Variants in MYBPC3 observed in about 807,000 individuals in gnomAD.
MYBPC3 encodes the protein myosin-binding protein C, cardiac-type.
A neutral mutation model predicts 159.3 loss-of-function variants in MYBPC3; 108 were observed. The observed-to-expected ratio is 0.68, with a 90% CI of 0.58 to 0.80. The LOEUF is 0.80. Among genes scored for constraint, MYBPC3 ranks in the 30% least tolerant of loss-of-function variants. The probability of loss-of-function intolerance (pLI) is 0.00; values close to 1 mark genes in which losing one functional copy is unlikely to be tolerated. For synonymous variants in MYBPC3, 730 were observed against 702.0 expected (o/e 1.04, Z -0.63); for missense variants, 1,631 against 1,762.1 (o/e 0.93, Z 1.33).
chr11:47,335,290 GAA>G (rs2095881198), intron 26 of MYBPC3, 81 bp from the exon 27 acceptor site: 7 of 1,095,480 alleles, frequency 6.4e-6, no homozygotes, highest in Non-Finnish European at 7.5e-6. Flanking sequence ...CCTCTGATAG[GAA>G]TCTCCAGGAT....
At chr11:47,347,183 A>G in intron 9 of MYBPC3, 154 bp from the exon 10 acceptor site, 4 of 983,990 alleles carry the variant, frequency 4.1e-6, no homozygotes, top group Non-Finnish European at 4.8e-6. Flanking sequence ...TTACGGAGGG[A>G]GCTTTTGCAG....
chr11:47,348,837 G>A (rs956681993), intron 5 of MYBPC3, among the ~76,000 whole-genome samples: 23 of 143,824 alleles, frequency 1.6e-4, no homozygotes, highest in Non-Finnish European at 2.7e-4. Context: ...CCCAGGAGGT[G>A]GAGGTTGCAG....
intron 17 of MYBPC3, among the ~76,000 whole-genome samples, 187 bp from the exon 18 acceptor site, chr11:47,342,343 A>T (rs1261772454): frequency 6.6e-6 from 1 of 152,224 alleles, no homozygotes; most frequent in African/African-American, 2.4e-5. Context: ...AGGAACCTCA[A>T]GTGTCTGAGG....
Position 47,332,543 on chromosome 11 carries a change from G to C in MYBPC3, c.3627+23C>G, listed in dbSNP as rs770351648. On this transcript the variant is annotated intron_variant, in intron 32 of 34. Coordinates refer to ENST00000545968, the MANE Select transcript of MYBPC3 (RefSeq NM_000256.3). The surrounding 1 kb of genome is among the most constrained non-coding windows in gnomAD (Gnocchi z 4.2). Reference sequence around the variant, plus strand: ...TGAGCCCTGCCTCCTGGTCGGCCTGGACCAGCGCCTAAAGTTCCCTACCTT... The same window carrying C: ...TGAGCCCTGCCTCCTGGTCGGCCTGCACCAGCGCCTAAAGTTCCCTACCTT... The C allele has an allele frequency of 6.3e-7, 1 of 1,598,910 alleles. No homozygotes were observed. The highest frequency in any genetic ancestry group is 1.3e-5 in the African/African-American group (1 of 74,606).
chr11:47,342,292 C>CT (rs1171122573), intron 17 of MYBPC3, 136 bp from the exon 18 acceptor site: 1 of 1,171,160 alleles, frequency 8.5e-7, no homozygotes, highest in Non-Finnish European at 1.2e-6. Context: ...ACACGTGTGC[C>CT]TGTGTGTGCC....
In MYBPC3 at chr11:47,346,836, C is replaced by T. The variant is rs1472685273; in HGVS notation, c.908+191G>A. Among the ~76,000 whole-genome samples, 1 of 152,142 alleles carries T rather than the reference C, an allele frequency of 6.6e-6. No individual in the cohort carries two copies. Among genetic ancestry groups the T allele is most frequent in the Non-Finnish European group, 1.5e-5 (1 of 68,016 alleles). ...GGACCTCCTGTGTGCATTACTTTTT[C>T]TTATCCCTCCTAAGCTCTGACAGAT... is the stretch of plus-strand genomic sequence containing the variant. On this transcript the variant is annotated intron_variant, in intron 10 of 34. Coordinates refer to ENST00000545968, the MANE Select transcript of MYBPC3 (RefSeq NM_000256.3). This position sits in a 1 kb window ranked among gnomAD's most constrained non-coding sequence, Gnocchi z 5.3.
At position 47,341,196 on chromosome 11, in the gene MYBPC3, G is replaced by GT. The variant is rs730880649; in HGVS notation, c.1838dup (p.Asp613GlufsTer25). On this transcript the variant is annotated frameshift_variant, in exon 19 of 35. Transcript: ENST00000545968. LOFTEE classifies it high-confidence loss of function. ...CGAAGCCCTCGGGCACAAAGCTGTAGTCAGCCTCGTCGGCAGGTGTGACGT... is the reference window on the plus strand; with the variant it reads ...CGAAGCCCTCGGGCACAAAGCTGTAGTTCAGCCTCGTCGGCAGGTGTGACGT... The GT allele has an allele frequency of 6.3e-7, 1 of 1,596,358 alleles. No individual in the cohort carries two copies. Among genetic ancestry groups the GT allele is most frequent in the Middle Eastern group, 1.7e-4 (1 of 6,034 alleles).
rs748601708 is a variant in MYBPC3 at position 47,333,714 on chromosome 11, C to T, written c.3033G>A (p.Gly1011=). 1.9e-6 allele frequency: 3 copies of T among 1,608,500 alleles called. No individual in the cohort carries two copies. The highest frequency in any genetic ancestry group is 1.1e-5 in the South Asian group (1 of 90,754). ...PRPQVTWTKE[G]QPLAGEEVSI... ...TCACCTCCTCGCCTGCCAGGGGCTG[C>T]CCCTCTTTGGTCCAGGTCACCTGAG... The change falls in exon 29 of 35, where the codon GGG becomes GGA. Residue 1011 remains glycine (G), a synonymous_variant. Transcript: ENST00000545968.
chr11:47,337,350 G>C, intron 25 of MYBPC3, 41 bp downstream of exon 25: 1 of 1,527,474 alleles, frequency 6.5e-7, no homozygotes, highest in Non-Finnish European at 8.8e-7. Flanking sequence ...GTTTTTAACT[G>C]GGGAGGGGGC....
intron 26 of MYBPC3, chr11:47,335,432 A>C (rs1363416862): frequency 8.0e-6 from 3 of 376,434 alleles, no homozygotes; most frequent in Non-Finnish European, 9.4e-6. Context: ...AGTTCAAGTG[A>C]TTCTCCTGCC....
At chr11:47,335,562 G>A (rs902924447) in intron 26 of MYBPC3, 2 of 293,300 alleles carry the variant, frequency 6.8e-6, no homozygotes, top group Non-Finnish European at 1.3e-5. Context: ...CCCGACCTCA[G>A]GTGATCCGCC....
intron 16 of MYBPC3, 39 bp from the exon 17 acceptor site, chr11:47,342,783 C>T (rs775521529): frequency 6.2e-7 from 1 of 1,612,754 alleles, no homozygotes; most frequent in South Asian, 1.1e-5. Flanking sequence ...GTGGCCTCTT[C>T]TGGGCAGATG....
Position 47,346,438 on chromosome 11 carries a change from C to T in MYBPC3, c.927-68G>A. 1 of 1,483,880 alleles carries T rather than the reference C, an allele frequency of 6.7e-7. No individual in the cohort carries two copies. Among genetic ancestry groups the T allele is most frequent in the South Asian group, 1.4e-5 (1 of 73,424 alleles). 91.9% of individuals were successfully genotyped at this position (1,483,880 alleles called of 1,614,324 possible). On this transcript the variant is annotated intron_variant, in intron 11 of 34. Transcript: ENST00000545968. The surrounding 1 kb of genome is among the most constrained non-coding windows in gnomAD (Gnocchi z 5.3). ...GCCCCCTGGGCGGGGCTTCCTGGGC[C>T]CAGGACCAAGGAGCTGTAGCCACCC...
In MYBPC3 at chr11:47,332,098, C is replaced by G. The variant is rs781180230; in HGVS notation, c.3788G>C (p.Arg1263Pro). Residue 1263 changes from arginine (R) to proline (P), a missense_variant, in exon 33 of 35, where the codon CGG becomes CCG. Coordinates refer to ENST00000545968, the MANE Select transcript of MYBPC3 (RefSeq NM_000256.3). The surrounding 1 kb of genome is among the most constrained non-coding windows in gnomAD (Gnocchi z 4.2). Reference sequence around the variant, plus strand: ...TCGCACCTCCAGGCGGCACTCACACCGTGCCTCGCCCTGTAAGTTGGTGGC... The same window carrying G: ...TCGCACCTCCAGGCGGCACTCACACGGTGCCTCGCCCTGTAAGTTGGTGGC... ...CRATNLQGEARCECRLEVRVP... is the reference protein window; with the variant it reads ...CRATNLQGEAPCECRLEVRVP... 6.2e-7 allele frequency: 1 copy of G among 1,611,994 alleles called. No individual in the cohort carries two copies. The highest frequency in any genetic ancestry group is 1.3e-5 in the African/African-American group (1 of 74,902).
rs1181843706 is a variant in MYBPC3 at position 47,347,840 on chromosome 11, T to C, written c.821+17A>G. ...TCCAGCACTGGCCTCCCCCAGGCCC[T>C]GAGGATGGCCACTCACGTGCGGCGG... On this transcript the variant is annotated intron_variant, in intron 7 of 34. Transcript: ENST00000545968. 1.3e-6 allele frequency: 2 copies of C among 1,560,344 alleles called. No homozygotes were observed. Among genetic ancestry groups the C allele is most frequent in the East Asian group, 2.4e-5 (1 of 41,634 alleles).
intron 1 of MYBPC3, 67 bp downstream of exon 1, chr11:47,352,556 C>T: frequency 1.9e-6 from 3 of 1,591,548 alleles, no homozygotes; most frequent in Admixed American, 1.7e-5. Context: ...TCCCTCCTAG[C>T]CCTGCTCCCC....
chr11:47,344,681 C>T (rs1002041253), intron 12 of MYBPC3, among the ~76,000 whole-genome samples: 5 of 152,202 alleles, frequency 3.3e-5, no homozygotes, highest in Admixed American at 1.3e-4. Context: ...ACCCTCTGTG[C>T]CTCGGTTTCC....
chr11:47,341,705 C>T (rs943499254), intron 18 of MYBPC3, among the ~76,000 whole-genome samples: 1 of 152,232 alleles, frequency 6.6e-6, no homozygotes, highest in African/African-American at 2.4e-5. Context: ...CTCTTTGTCT[C>T]TGTCCCTCTG....
rs1565622471 is a variant in MYBPC3, at chr11:47,332,255, T to C, written c.3631A>G (p.Lys1211Glu). The change falls in exon 33 of 35, where the codon AAG (lysine) becomes GAG (glutamate). Residue 1211 changes from lysine to glutamate, a missense_variant. Physicochemically the swap from Lys to Glu is moderately conservative, Grantham distance 56 (BLOSUM62 1). Transcript: ENST00000545968. The surrounding 1 kb of genome is among the most constrained non-coding windows in gnomAD (Gnocchi z 4.2). ...CCAVRGSPKP[K>E]ISWFKNGLDL... ...AGGCCATTCTTGAACCAGGAAATCT[T>C]GGGCTATAAATAAGGTAAAGAGAGG... The C allele has an allele frequency of 1.2e-5, 20 of 1,613,740 alleles. No homozygotes were observed. The highest frequency in any genetic ancestry group is 1.7e-5 in the Non-Finnish European group (20 of 1,179,884).
Sources: gnomAD v4.1 joint callset for allele counts (sites outside exome capture counted in the v4.1 genomes callset) on GRCh38, gnomAD v4.1.1 for gene constraint, Gnocchi (gnomAD v3.1) non-coding constraint, MANE v1.5 for transcripts, NCBI Gene and HGNC (gene_info 2026-07-23, HGNC 2026-07-21) for gene names.